Variants in PDILT observed in about 807,000 individuals in gnomAD.
The protein encoded by PDILT is protein disulfide isomerase like, testis expressed, also known as protein disulfide-isomerase-like protein of the testis.
A neutral mutation model predicts 53.7 loss-of-function variants in PDILT; 43 were observed. The observed-to-expected ratio is 0.80, with a 90% CI of 0.63 to 1.03. The LOEUF (loss-of-function observed/expected upper bound fraction) is 1.03, where lower values mean the gene tolerates loss of function less well. Ranked by LOEUF, PDILT falls within the 50% of genes least tolerant of loss-of-function variation. PDILT has a pLI of 0.00. For synonymous variants in PDILT, 282 were observed against 274.2 expected, an observed-to-expected ratio of 1.03 and a Z score of -0.28; for missense variants, 727 against 712.3, an observed-to-expected ratio of 1.02 and a Z score of -0.24.
intron 2 of PDILT, among the ~76,000 whole-genome samples, chr16:20,386,338 G>A (rs1966537523): frequency 1.3e-5 from 2 of 152,152 alleles, no homozygotes; most frequent in South Asian, 4.1e-4. Context: ...GACTGAGGAA[G>A]GGGGGCTGAG....
chr16:20,383,107 C>T (rs888867817), intron 3 of PDILT, among the ~76,000 whole-genome samples: 4 of 152,128 alleles, frequency 2.6e-5, no homozygotes, highest in African/African-American at 9.7e-5. Flanking sequence ...CACTGGTTTC[C>T]CTGATGAAGG....
chr16:20,359,445 C>T lies in PDILT; in HGVS notation c.1629G>A (p.Lys543=), dbSNP rs139010693. The change falls in exon 12 of 12, where the codon AAG becomes AAA. Residue 543 remains lysine, a synonymous_variant. Coordinates refer to ENST00000302451, the MANE Select transcript of PDILT (RefSeq NM_174924.2). ...QQSPELENMT[K]YVSKLEEPAG... Reference sequence around the variant, plus strand: ...CGGGCTCTTCCAGCTTGGATACGTACTTGGTCATGTTCTCCAGCTCAGGCG... The same window carrying T: ...CGGGCTCTTCCAGCTTGGATACGTATTTGGTCATGTTCTCCAGCTCAGGCG... 1 of 1,614,170 alleles carries T rather than the reference C, an allele frequency of 6.2e-7. No individual in the cohort carries two copies. The highest frequency in any genetic ancestry group is 8.5e-7 in the Non-Finnish European group (1 of 1,180,046).
chr16:20,378,595 T>A (rs1423331821), intron 3 of PDILT, among the ~76,000 whole-genome samples: 1 of 152,162 alleles, frequency 6.6e-6, no homozygotes, highest in African/African-American at 2.4e-5. Flanking sequence ...TTTGTCCTAA[T>A]GCTCTCCCTT....
rs572438504 is a variant in PDILT, at chr16:20,361,928, A to G, written c.1416+476T>C. Among the ~76,000 whole-genome samples, 3 of 152,328 alleles carry G rather than the reference A, an allele frequency of 2.0e-5. No individual in the cohort carries two copies. In the South Asian group the frequency reaches 6.2e-4, roughly 32 times the overall value. On this transcript the variant is annotated intron_variant, in intron 10 of 11. Transcript: ENST00000302451. Reference sequence around the variant, plus strand: ...CTGATGCTCTTTCCCATGCATGGACATGGCATGGAGTGTGGGTTGTATCAA... The same window carrying G: ...CTGATGCTCTTTCCCATGCATGGACGTGGCATGGAGTGTGGGTTGTATCAA...
intron 2 of PDILT, 23 bp from the exon 3 acceptor site, chr16:20,384,874 T>G (rs79082413): frequency 6.2e-7 from 1 of 1,608,906 alleles, no homozygotes; most frequent in Admixed American, 1.7e-5. Flanking sequence ...GAAGACAAAA[T>G]TTGAGAGGCC....
intron 2 of PDILT, among the ~76,000 whole-genome samples, chr16:20,396,885 T>C (rs1367858058): frequency 7.5e-6 from 1 of 133,034 alleles, no homozygotes; most frequent in Non-Finnish European, 1.7e-5. Context: ...CCAATGGTGA[T>C]AGCTTCTGCC....
At chr16:20,386,586 C>T (rs1966542488) in intron 2 of PDILT, among the ~76,000 whole-genome samples, 1 of 152,188 alleles carries the variant, frequency 6.6e-6, no homozygotes, top group Admixed American at 6.5e-5. Context: ...GCAATGGGAT[C>T]GGAAAGTGAA....
At chr16:20,360,330 G>A (rs1486067137) in intron 11 of PDILT, among the ~76,000 whole-genome samples, 1 of 152,060 alleles carries the variant, frequency 6.6e-6, no homozygotes, top group East Asian at 1.9e-4. Flanking sequence ...GGAGCTGTGT[G>A]TTACCTCAGA....
At chr16:20,398,600 C>T (rs1198406469) in intron 2 of PDILT, among the ~76,000 whole-genome samples, 1 of 152,174 alleles carries the variant, frequency 6.6e-6, no homozygotes, top group East Asian at 1.9e-4. Flanking sequence ...CACTGCACTC[C>T]AGCCTGGGAG....
At chr16:20,360,720 G>T in intron 10 of PDILT, 63 bp from the exon 11 acceptor site, 1 of 1,259,382 alleles carries the variant, frequency 7.9e-7, no homozygotes, top group Non-Finnish European at 1.2e-6. Context: ...CTCGAGGATT[G>T]CTACCTAGGT....
intron 11 of PDILT, among the ~76,000 whole-genome samples, chr16:20,359,850 C>T (rs1477222474): frequency 6.6e-6 from 1 of 152,208 alleles, no homozygotes; most frequent in African/African-American, 2.4e-5. Context: ...GCACCACTAG[C>T]TCCAGGACTG....
chr16:20,400,836 C>T (rs570518545), intron 1 of PDILT, among the ~76,000 whole-genome samples: 1 of 152,250 alleles, frequency 6.6e-6, no homozygotes, highest in Non-Finnish European at 1.5e-5. Flanking sequence ...CAAAACAACA[C>T]AATAACCACA....
At chr16:20,376,261 A>G in intron 3 of PDILT, 60 bp from the exon 4 acceptor site, 1 of 1,594,806 alleles carries the variant, frequency 6.3e-7, no homozygotes, top group South Asian at 1.1e-5. Flanking sequence ...CAAAGCAAGA[A>G]GCTGGTCTTT....
chr16:20,400,034 C>A (rs1235891409), intron 1 of PDILT, among the ~76,000 whole-genome samples: 2 of 120,622 alleles, frequency 1.7e-5, no homozygotes, highest in African/African-American at 7.2e-5. Context: ...ATCTATCTAT[C>A]TATCTATCTA....
chr16:20,392,496 C>A lies in PDILT; in HGVS notation c.202+6603G>T, dbSNP rs75126936. Among the ~76,000 whole-genome samples the A allele has an allele frequency of 5.0e-3, 758 of 151,958 alleles. 3 individuals carry two copies. Among genetic ancestry groups the A allele is most frequent in the Middle Eastern group, 0.014 (4 of 294 alleles). On this transcript the variant is annotated intron_variant, in intron 2 of 11. Coordinates refer to ENST00000302451, the MANE Select transcript of PDILT (RefSeq NM_174924.2). ...CCTGGGGGCAGTGTCTGAAAATAAT[C>A]TCTTTTGCAAAGAGCCCATTTACCC...
chr16:20,369,770 G>C (rs190368877), intron 7 of PDILT, 81 bp from the exon 8 acceptor site: 1 of 1,395,428 alleles, frequency 7.2e-7, no homozygotes, highest in Non-Finnish European at 1.0e-6. Context: ...GGACTAAGGG[G>C]ATGCACATGG....
At position 20,359,230 on chromosome 16, in the gene PDILT, A is replaced by G; in HGVS notation, c.*89T>C. ...CCCCCGCCCCACCTACCCTACCACA[A>G]TGATATATGCTTTTATTGGAATCAA... On this transcript the variant is annotated 3_prime_UTR_variant, in exon 12 of 12. Transcript: ENST00000302451. 6.4e-7 allele frequency: 1 copy of G among 1,551,948 alleles called. No homozygotes were observed. The highest frequency in any genetic ancestry group is 1.3e-5 in the South Asian group (1 of 78,526).
chr16:20,389,809 A>G (rs1385477308), intron 2 of PDILT, among the ~76,000 whole-genome samples: 1 of 152,150 alleles, frequency 6.6e-6, no homozygotes, highest in Admixed American at 6.5e-5. Context: ...TGATGAGTAT[A>G]GGGACTGGAG....
rs1347787954 is a variant in PDILT at position 20,394,267 on chromosome 16, G to A, written c.202+4832C>T. ...GTTTTTGACATTCCTACCCAGAAGA[G>A]AACTCTTTCTGGTGGTTCACTGTCT... is the stretch of plus-strand genomic sequence containing the variant. On this transcript the variant is annotated intron_variant, in intron 2 of 11. Transcript: ENST00000302451. Among the ~76,000 whole-genome samples, 5 of 152,182 alleles carry A rather than the reference G, an allele frequency of 3.3e-5. No homozygotes were observed. In the South Asian group the frequency reaches 1.0e-3, roughly 32 times the overall value.
Sources: gnomAD v4.1 joint callset for allele counts (sites outside exome capture counted in the v4.1 genomes callset) on GRCh38, gnomAD v4.1.1 for gene constraint, MANE v1.5 for transcripts, NCBI Gene and HGNC (gene_info 2026-07-23, HGNC 2026-07-21) for gene names.